Variants in TMCO4 observed in about 807,000 individuals in gnomAD.
TMCO4 encodes the protein transmembrane and coiled-coil domains 4.
In TMCO4, 58 loss-of-function variants were observed where a neutral mutation model predicts 64.7. The observed-to-expected ratio is 0.90, with a 90% confidence interval of 0.73 to 1.12. The LOEUF (loss-of-function observed/expected upper bound fraction) is 1.12. TMCO4 is among the 50% of genes most tolerant of loss of function. TMCO4 has a pLI of 0.00. For missense variants in TMCO4, 780 were observed against 825.9 expected (o/e 0.94, Z 0.68); for synonymous variants, 325 against 346.1 (o/e 0.94, Z 0.68).
At chr1:19,744,889 C>T (rs2041695231) in intron 10 of TMCO4, among the ~76,000 whole-genome samples, 1 of 152,170 alleles carries the variant, frequency 6.6e-6, no homozygotes, top group Non-Finnish European at 1.5e-5. Flanking sequence ...GAGTAGAGGC[C>T]ATGGCTGTGC....
intron 14 of TMCO4, among the ~76,000 whole-genome samples, chr1:19,699,195 CA>C (rs138882998): frequency 0.019 from 2,234 of 116,134 alleles, 54 homozygotes; most frequent in South Asian, 0.061. Context: ...GACTCCGTTT[CA>C]AAAAAAAAAA....
intron 2 of TMCO4, among the ~76,000 whole-genome samples, chr1:19,788,268 A>T (rs936044733): frequency 6.6e-6 from 1 of 152,210 alleles, no homozygotes; most frequent in African/African-American, 2.4e-5. Flanking sequence ...AAATGACTGG[A>T]AGAACAGCCT....
intron 13 of TMCO4, among the ~76,000 whole-genome samples, chr1:19,706,344 T>C (rs927893818): frequency 1.3e-5 from 2 of 152,198 alleles, no homozygotes; most frequent in East Asian, 3.8e-4. Flanking sequence ...TCAATAATAA[T>C]GGATATGAGA....
chr1:19,684,466 T>C (rs1461153414), intron 15 of TMCO4, among the ~76,000 whole-genome samples: 1 of 152,104 alleles, frequency 6.6e-6, no homozygotes, highest in Non-Finnish European at 1.5e-5. Context: ...GGCTCTGCTG[T>C]TCACTAGTTG....
At chr1:19,739,798 A>G in intron 12 of TMCO4, 26 bp downstream of exon 12, 1 of 1,607,916 alleles carries the variant, frequency 6.2e-7, no homozygotes, top group Middle Eastern at 1.8e-4. Flanking sequence ...GCTCAATGCC[A>G]CGCCCACACA....
chr1:19,721,354 C>G (rs1268511780), intron 13 of TMCO4, among the ~76,000 whole-genome samples: 2 of 152,186 alleles, frequency 1.3e-5, no homozygotes, highest in Non-Finnish European at 2.9e-5. Context: ...GGAGCTTAGG[C>G]AGACAGTGTG....
chr1:19,796,624 G>A (rs553110900), intron 2 of TMCO4, among the ~76,000 whole-genome samples: 55 of 152,098 alleles, frequency 3.6e-4, no homozygotes, highest in Middle Eastern at 3.4e-3. Context: ...TGCCAGGCTG[G>A]AGTGCAGTAG....
intron 10 of TMCO4, among the ~76,000 whole-genome samples, chr1:19,741,526 G>A (rs1345978883): frequency 1.3e-5 from 2 of 152,066 alleles, no homozygotes; most frequent in Non-Finnish European, 2.9e-5. Flanking sequence ...TCTCACTGAG[G>A]AAATATATCA....
At chr1:19,787,259 T>G (rs1335956957) in intron 2 of TMCO4, 142 bp from the exon 3 acceptor site, 1 of 152,442 alleles carries the variant, frequency 6.6e-6, no homozygotes, top group East Asian at 1.9e-4. Context: ...GCCCTTGCCC[T>G]GCACGTTCCT....
chr1:19,765,806 A>G (rs145050368), intron 6 of TMCO4, among the ~76,000 whole-genome samples: 8 of 152,222 alleles, frequency 5.3e-5, no homozygotes, highest in Admixed American at 2.0e-4. Context: ...TCAACCTTCC[A>G]GGAAGTTCTG....
rs548702481 is a variant in TMCO4, at chr1:19,739,232, T to C, written c.1179+592A>G. On this transcript the variant is annotated intron_variant, in intron 12 of 15. Coordinates refer to ENST00000294543, the MANE Select transcript of TMCO4 (RefSeq NM_181719.7). ...TTTTATTCTGAAGGGGATGGTTTTA[T>C]TCTCTTGGTAAGTACATCTTTACTA... Among the ~76,000 whole-genome samples the C allele has an allele frequency of 3.3e-5, 5 of 152,372 alleles. No individual in the cohort carries two copies. The South Asian group carries it at 8.3e-4, about 25-fold the overall frequency.
intron 3 of TMCO4, among the ~76,000 whole-genome samples, chr1:19,784,687 G>T (rs1238101478): frequency 6.6e-6 from 1 of 151,964 alleles, no homozygotes; most frequent in Non-Finnish European, 1.5e-5. Flanking sequence ...TTGCTTAAAA[G>T]CCTGCAAAAG....
chr1:19,748,676 T>C (rs2041894806), intron 7 of TMCO4, among the ~76,000 whole-genome samples: 1 of 151,944 alleles, frequency 6.6e-6, no homozygotes. Context: ...AACACAAAAA[T>C]TAGCCAGGCG....
At chr1:19,771,277 C>A in intron 5 of TMCO4, 31 bp downstream of exon 5, 2 of 1,604,860 alleles carry the variant, frequency 1.2e-6, no homozygotes, top group Non-Finnish European at 8.5e-7. Flanking sequence ...TTCTACTGTC[C>A]CCAGCAGCCA....
Position 19,723,647 on chromosome 1 carries a change from C to T in TMCO4, c.1264+13725G>A, listed in dbSNP as rs549680349. ...AGCAACCAACTTCCAACACCAACAC[C>T]AATCATCACTGCGTTTCAGGGTGCA... On this transcript the variant is annotated intron_variant, in intron 13 of 15. Transcript: ENST00000294543. Among the ~76,000 whole-genome samples the T allele has an allele frequency of 6.6e-5, 10 of 152,370 alleles. No individual in the cohort carries two copies. The South Asian group carries it at 2.1e-3, about 32-fold the overall frequency.
chr1:19,757,156 T>G (rs950472954), intron 6 of TMCO4, among the ~76,000 whole-genome samples: 62 of 102,344 alleles, frequency 6.1e-4, no homozygotes, highest in Non-Finnish European at 7.2e-4. Context: ...CCAGGCGTGG[T>G]GGCGGGGGGG....
chr1:19,694,455 C>G lies in TMCO4; in HGVS notation c.1479G>C (p.Glu493Asp), dbSNP rs1193951506. Residue 493 changes from glutamate (E) to aspartate (D), a missense_variant, in exon 15 of 16, where the codon GAG becomes GAC. Transcript: ENST00000294543. ...QPVLLQDRRV[E>D]NVDLTSVVSG... ...TCACCACAGAGGTCAGGTCCACGTT[C>G]TCCACCCTCCTGTCCTGCAGCAGCA... is the stretch of plus-strand genomic sequence containing the variant. 1 of 1,614,088 alleles carries G rather than the reference C, an allele frequency of 6.2e-7. No individual in the cohort carries two copies. Among genetic ancestry groups the G allele is most frequent in the Admixed American group, 1.7e-5 (1 of 60,028 alleles).
At chr1:19,778,016 G>C (rs1006772063) in intron 4 of TMCO4, among the ~76,000 whole-genome samples, 1 of 152,128 alleles carries the variant, frequency 6.6e-6, no homozygotes, top group African/African-American at 2.4e-5. Context: ...TCCAGCCTGG[G>C]TGACTGAGAC....
chr1:19,782,389 G>T (rs974354680), intron 3 of TMCO4, among the ~76,000 whole-genome samples: 1 of 152,208 alleles, frequency 6.6e-6, no homozygotes, highest in African/African-American at 2.4e-5. Context: ...ATGTGGGAGG[G>T]AGTATTGGCT....
Sources: allele counts gnomAD v4.1 joint callset (sites outside exome capture counted in the v4.1 genomes callset), GRCh38; gene constraint gnomAD v4.1.1; transcripts MANE v1.5; gene names NCBI Gene and HGNC (gene_info 2026-07-23, HGNC 2026-07-21).